CACNA1C: variants seen among roughly 807,000 people sequenced by gnomAD.
CACNA1C encodes the protein calcium voltage-gated channel subunit alpha1 C.
In CACNA1C, 30 loss-of-function variants were observed where a neutral mutation model predicts 229.0. The observed-to-expected ratio is 0.13, with a 90% CI of 0.10 to 0.18. The LOEUF (loss-of-function observed/expected upper bound fraction) is 0.18, where lower values mean the gene tolerates loss of function less well. Ranked by LOEUF, CACNA1C falls within the 10% of genes least tolerant of loss-of-function variation. CACNA1C has a pLI of 1.00. For synonymous variants in CACNA1C, 1,114 were observed against 1,132.5 expected (o/e 0.98, Z 0.33); for missense variants, 1,658 against 2,845.0 (o/e 0.58, Z 9.49).
chr12:2,626,068 C>T (rs75547259), intron 29 of CACNA1C, among the ~76,000 whole-genome samples: 4,037 of 152,318 alleles, frequency 0.027, 77 homozygotes, highest in Non-Finnish European at 0.041. Flanking sequence ...CTGCACAACC[C>T]GAGGCTCATT....
chr12:2,483,125 C>T (rs1017309307), intron 5 of CACNA1C, among the ~76,000 whole-genome samples: 1 of 152,202 alleles, frequency 6.6e-6, no homozygotes, highest in Non-Finnish European at 1.5e-5. Flanking sequence ...GAGCTCTCAG[C>T]GAGGCAGGGA....
intron 3 of CACNA1C, among the ~76,000 whole-genome samples, chr12:2,379,165 G>A (rs537046610): frequency 3.7e-4 from 57 of 152,294 alleles, no homozygotes; most frequent in African/African-American, 1.3e-3. Flanking sequence ...AGGGAGGGTG[G>A]CAGGGCAGGG....
At position 2,110,725 on chromosome 12, in the gene CACNA1C, A is replaced by C. The variant is rs779943664; in HGVS notation, c.50-4499A>C. 1.3e-3 allele frequency among the ~76,000 whole-genome samples: 204 copies of C among 152,172 alleles called. 2 individuals are homozygous for C. Among genetic ancestry groups the C allele is most frequent in the Non-Finnish European group, 1.6e-4 (11 of 68,028 alleles). ...CCGGAGATACTGGTAGAACATTTCAAGTGCTCAGGAGCCACATATGACTGG... is the reference window on the plus strand; with the variant it reads ...CCGGAGATACTGGTAGAACATTTCACGTGCTCAGGAGCCACATATGACTGG... On this transcript the variant is annotated intron_variant, in intron 1 of 46. Coordinates refer to ENST00000399655, the MANE Select transcript of CACNA1C (RefSeq NM_000719.7).
intron 10 of CACNA1C, chr12:2,550,536 C>T: frequency 7.4e-7 from 1 of 1,350,610 alleles, no homozygotes; most frequent in Non-Finnish European, 9.8e-7. Flanking sequence ...GCTCTCTCAT[C>T]CTGCCAGTAA....
At chr12:1,976,995 C>G (rs2034593425) in intron 1 of CACNA1C, among the ~76,000 whole-genome samples, 1 of 152,080 alleles carries the variant, frequency 6.6e-6, no homozygotes. Context: ...TATCAATATG[C>G]CAATAAATAT....
chr12:2,487,397 G>T (rs951136455), intron 6 of CACNA1C, among the ~76,000 whole-genome samples: 6 of 149,162 alleles, frequency 4.0e-5, no homozygotes, highest in Non-Finnish European at 5.9e-5. Flanking sequence ...AACAGGGAGT[G>T]AAATTCGTAG....
At chr12:2,362,528 C>G (rs1021151488) in intron 3 of CACNA1C, among the ~76,000 whole-genome samples, 3 of 152,120 alleles carry the variant, frequency 2.0e-5, no homozygotes, top group African/African-American at 7.2e-5. Context: ...ATTTCAAGAC[C>G]ACACAGTTCA....
chr12:2,655,825 G>A (rs2095390220), intron 34 of CACNA1C, among the ~76,000 whole-genome samples: 1 of 151,974 alleles, frequency 6.6e-6, no homozygotes, highest in Admixed American at 6.5e-5. Flanking sequence ...CATATTAACA[G>A]AATGAAGGAA....
intron 3 of CACNA1C, among the ~76,000 whole-genome samples, chr12:2,154,031 G>T (rs547259770): frequency 6.6e-6 from 1 of 152,184 alleles, no homozygotes; most frequent in Non-Finnish European, 1.5e-5. Flanking sequence ...AAAAAAATCA[G>T]ACTTCCCCTT....
chr12:2,503,015 C>T (rs1217391759), intron 7 of CACNA1C, among the ~76,000 whole-genome samples: 4 of 152,202 alleles, frequency 2.6e-5, no homozygotes, highest in Non-Finnish European at 5.9e-5. Context: ...GGTCCTTGGA[C>T]CACACTTTGA....
chr12:2,289,444 A>G (rs984415235), intron 3 of CACNA1C, among the ~76,000 whole-genome samples: 2 of 152,188 alleles, frequency 1.3e-5, no homozygotes, highest in African/African-American at 4.8e-5. Context: ...TCCTGTGGAA[A>G]TCTACGGGGA....
At chr12:2,368,737 G>T (rs987211550) in intron 3 of CACNA1C, among the ~76,000 whole-genome samples, 1 of 152,136 alleles carries the variant, frequency 6.6e-6, no homozygotes, top group Non-Finnish European at 1.5e-5. Flanking sequence ...ACAGCCCAGG[G>T]TGTATTTTCT....
At chr12:2,135,570 G>A (rs1400030423) in intron 3 of CACNA1C, among the ~76,000 whole-genome samples, 1 of 134,414 alleles carries the variant, frequency 7.4e-6, no homozygotes, top group Non-Finnish European at 1.5e-5. Context: ...CCTGCTGTGA[G>A]AGGTGTCAGT....
intron 38 of CACNA1C, among the ~76,000 whole-genome samples, chr12:2,673,684 G>A (rs2096660633): frequency 6.6e-6 from 1 of 152,116 alleles, no homozygotes; most frequent in South Asian, 2.1e-4. Flanking sequence ...GACAGCTGGG[G>A]ACCCCCTCTG....
chr12:2,498,417 G>C (rs1189283566), intron 7 of CACNA1C, among the ~76,000 whole-genome samples: 3 of 152,216 alleles, frequency 2.0e-5, no homozygotes, highest in African/African-American at 7.2e-5. Flanking sequence ...AGCATATCAA[G>C]GAAGAGAGTC....
intron 3 of CACNA1C, among the ~76,000 whole-genome samples, chr12:2,131,753 T>C (rs995631930): frequency 2.0e-5 from 3 of 149,762 alleles, no homozygotes; most frequent in Admixed American, 2.0e-4. Flanking sequence ...CCTCCAGCTT[T>C]GTTCTTTTGG....
At position 2,678,026 on chromosome 12, in the gene CACNA1C, C is replaced by A; in HGVS notation, c.5091+159C>A. The A allele has an allele frequency of 1.2e-6, 1 of 804,292 alleles. No homozygotes were observed. The highest frequency in any genetic ancestry group is 1.9e-6 in the Non-Finnish European group (1 of 520,310). 49.8% of individuals were successfully genotyped at this position (804,292 alleles called of 1,614,324 possible). ...GATGAGCTGTCTCCTCACCCCTTTG[C>A]CTTTTCCAAGCCTGACTCCATCCCA... On this transcript the variant is annotated intron_variant, in intron 41 of 46. Transcript: ENST00000399655. The surrounding 1 kb of genome is among the most constrained non-coding windows in gnomAD (Gnocchi z 4.1).
intron 37 of CACNA1C, among the ~76,000 whole-genome samples, chr12:2,667,279 A>ATT (rs2096226640): frequency 1.3e-5 from 2 of 151,670 alleles, no homozygotes; most frequent in African/African-American, 4.8e-5. Flanking sequence ...CACCATGGCC[A>ATT]CTCCACGCTC....
At chr12:2,550,312 A>T (rs1470725330) in intron 10 of CACNA1C, among the ~76,000 whole-genome samples, 1 of 152,152 alleles carries the variant, frequency 6.6e-6, no homozygotes, top group Non-Finnish European at 1.5e-5. Context: ...TTTTCATCAC[A>T]TCTGAGAAAT....
Sources: allele counts gnomAD v4.1 joint callset (sites outside exome capture counted in the v4.1 genomes callset), GRCh38; gene constraint gnomAD v4.1.1; non-coding constraint Gnocchi (gnomAD v3.1); transcripts MANE v1.5; gene names NCBI Gene and HGNC (gene_info 2026-07-23, HGNC 2026-07-21).